ANK2: variants seen among roughly 807,000 people sequenced by gnomAD.
ANK2 encodes ankyrin-2.
In ANK2, 83 loss-of-function variants were observed where a neutral mutation model predicts 360.5. The ratio of observed to expected loss-of-function variants is 0.23; its 90% confidence interval spans 0.19 to 0.28. The LOEUF (loss-of-function observed/expected upper bound fraction) is 0.28, where lower values mean the gene tolerates loss of function less well. Among genes scored for constraint, ANK2 ranks in the 10% least tolerant of loss-of-function variants. The pLI, the probability that ANK2 is intolerant of heterozygous loss-of-function variation, is 1.00. For missense variants in ANK2, 4,201 were observed against 4,795.7 expected (o/e 0.88, Z 3.66); for synonymous variants, 1,740 against 1,759.5 (o/e 0.99, Z 0.28).
chr4:113,179,398 GT>G (rs1489699303), intron 2 of ANK2, among the ~76,000 whole-genome samples: 1 of 152,036 alleles, frequency 6.6e-6, no homozygotes, highest in African/African-American at 2.4e-5. Context: ...TTGAATCAAT[GT>G]TTTTTCTTTA....
At chr4:113,138,798 GGTT>G (rs2096537947) in intron 1 of ANK2, among the ~76,000 whole-genome samples, 1 of 152,080 alleles carries the variant, frequency 6.6e-6, no homozygotes, top group South Asian at 2.1e-4. Context: ...GTTTATGAAG[GGTT>G]GTTATTTCTC....
intron 38 of ANK2, 117 bp downstream of exon 38, chr4:113,359,416 T>A: frequency 7.6e-7 from 1 of 1,318,220 alleles, no homozygotes. Flanking sequence ...CTTTCTGTAG[T>A]GGCTAATGTG....
intron 1 of ANK2, among the ~76,000 whole-genome samples, chr4:112,822,639 G>T (rs1161919213): frequency 1.1e-4 from 17 of 151,616 alleles, no homozygotes; most frequent in Admixed American, 6.6e-4. Context: ...CCAGCTACTA[G>T]GAGGGGTGAG....
the ANK2 span, among the ~76,000 whole-genome samples, chr4:112,810,843 G>A: frequency 6.6e-6 from 1 of 151,956 alleles, no homozygotes; most frequent in Non-Finnish European, 1.5e-5. Flanking sequence ...GAGTCACCAC[G>A]CACAGCCCCT....
At position 113,373,307 on chromosome 4, in the gene ANK2, G is replaced by C. The variant is rs770001324; in HGVS notation, c.11717G>C (p.Arg3906Pro). 6.2e-7 allele frequency: 1 copy of C among 1,613,994 alleles called. No homozygotes were observed. The highest frequency in any genetic ancestry group is 1.3e-5 in the African/African-American group (1 of 74,912). ...CAGGTTACTAGGAAAATCATTAGGC[G>C]GTATGTATCCTCTGAAGGCACAGAG... is the stretch of plus-strand genomic sequence containing the variant. ...VKKVTRKIIR[R>P]YVSSEGTEKE... Residue 3906 changes from arginine (R) to proline (P), a missense_variant, in exon 45 of 46, where the codon CGG becomes CCG. Coordinates refer to ENST00000357077, the MANE Select transcript of ANK2 (RefSeq NM_001148.6).
intron 20 of ANK2, among the ~76,000 whole-genome samples, 177 bp from the exon 21 acceptor site, chr4:113,292,239 C>T (rs1434345123): frequency 6.6e-6 from 1 of 152,174 alleles, no homozygotes; most frequent in Non-Finnish European, 1.5e-5. Context: ...GCTTAGCAGA[C>T]CATAAGGTGT....
chr4:113,020,359 G>A (rs2057730297), intron 2 of ANK2, among the ~76,000 whole-genome samples: 1 of 151,992 alleles, frequency 6.6e-6, no homozygotes, highest in Admixed American at 6.6e-5. Flanking sequence ...GCTAATTTAT[G>A]TTTTATTTTT....
intron 1 of ANK2, chr4:112,827,239 G>A: frequency 9.4e-7 from 1 of 1,067,978 alleles, no homozygotes; most frequent in East Asian, 2.4e-5. Context: ...GCAGAGAAAG[G>A]ATTTAGAAGA....
intron 2 of ANK2, among the ~76,000 whole-genome samples, chr4:112,968,355 G>A (rs2038151251): frequency 6.6e-6 from 1 of 152,170 alleles, no homozygotes; most frequent in Non-Finnish European, 1.5e-5. Context: ...GCTGGACAGT[G>A]CCATTTCCCA....
chr4:112,979,361 C>T (rs900472109), intron 2 of ANK2, among the ~76,000 whole-genome samples: 10 of 152,176 alleles, frequency 6.6e-5, no homozygotes, highest in Non-Finnish European at 2.9e-5. Context: ...CCTGGGAACA[C>T]GGTGGTGCCT....
chr4:113,333,298 A>C (rs77110722), intron 29 of ANK2, 90 bp downstream of exon 29: 4 of 1,162,022 alleles, frequency 3.4e-6, no homozygotes, highest in African/African-American at 1.6e-5. Context: ...GTGTGTGTAT[A>C]TGTGTGTGTG....
chr4:112,884,021 A>C lies in ANK2; in HGVS notation c.-39-20434A>C, dbSNP rs1044613890. 3.0e-4 allele frequency among the ~76,000 whole-genome samples: 45 copies of C among 151,994 alleles called. 2 individuals are homozygous for C. Among genetic ancestry groups the C allele is most frequent in the Admixed American group, 1.7e-3 (26 of 15,252 alleles). On this transcript the variant is annotated intron_variant, in intron 1 of 30. Coordinates refer to the ANK2 transcript ENST00000503271. ...AAACAATTAATAAGGCTTCAGCCAAATTTGGTCTCATAGCACAAATTCCTC... is the reference window on the plus strand; with the variant it reads ...AAACAATTAATAAGGCTTCAGCCAACTTTGGTCTCATAGCACAAATTCCTC...
chr4:113,116,355 T>C (rs920191076), intron 1 of ANK2, among the ~76,000 whole-genome samples: 3 of 152,272 alleles, frequency 2.0e-5, no homozygotes, highest in East Asian at 1.9e-4. Flanking sequence ...AGCTCCCCGC[T>C]CTTTCTCCCA....
chr4:112,961,576 AC>A (rs2034858336), intron 2 of ANK2, among the ~76,000 whole-genome samples: 1 of 152,174 alleles, frequency 6.6e-6, no homozygotes, highest in Non-Finnish European at 1.5e-5. Context: ...TAACGTGCAT[AC>A]CATGGGTGGA....
chr4:112,890,644 C>A (rs1281478874), intron 1 of ANK2, among the ~76,000 whole-genome samples: 1 of 145,302 alleles, frequency 6.9e-6, no homozygotes. Context: ...CTCAGCTCAC[C>A]GCAACCTCCG....
the ANK2 span, among the ~76,000 whole-genome samples, chr4:112,758,497 G>A: frequency 6.6e-6 from 1 of 151,788 alleles, no homozygotes; most frequent in Non-Finnish European, 1.5e-5. Context: ...TGCAACCTCC[G>A]CCTCCCAGGT....
intron 39 of ANK2, 47 bp from the exon 40 acceptor site, chr4:113,363,291 G>T (rs757650966): frequency 1.3e-6 from 2 of 1,598,494 alleles, no homozygotes; most frequent in Non-Finnish European, 1.7e-6. Flanking sequence ...TGTAGAGACT[G>T]AAACCTTGAA....
intron 2 of ANK2, among the ~76,000 whole-genome samples, chr4:112,913,819 T>A (rs2088658081): frequency 6.6e-6 from 1 of 152,194 alleles, no homozygotes; most frequent in Non-Finnish European, 1.5e-5. Flanking sequence ...CCAAACCTTA[T>A]AAAAATGAGT....
At chr4:112,716,114 CG>C in the ANK2 span, among the ~76,000 whole-genome samples, 2 of 152,102 alleles carry the variant, frequency 1.3e-5, no homozygotes, top group African/African-American at 4.8e-5. Flanking sequence ...GGATTAGACA[CG>C]GAAGTCAGAA....
Sources: allele counts gnomAD v4.1 joint callset (sites outside exome capture counted in the v4.1 genomes callset), GRCh38; gene constraint gnomAD v4.1.1; transcripts MANE v1.5; gene names NCBI Gene and HGNC (gene_info 2026-07-23, HGNC 2026-07-21).